Variants in HS6ST3 observed in about 807,000 individuals in gnomAD.
The protein encoded by HS6ST3 is heparan sulfate 6-O-sulfotransferase 3.
HS6ST3 carries 12 observed loss-of-function variants against 36.7 expected under a neutral mutation model. The observed-to-expected ratio is 0.33, with a 90% CI of 0.21 to 0.53. The LOEUF (loss-of-function observed/expected upper bound fraction) is 0.53, where lower values mean the gene tolerates loss of function less well. Ranked by LOEUF, HS6ST3 falls within the 20% of genes least tolerant of loss-of-function variation. The pLI, the probability that HS6ST3 is intolerant of heterozygous loss-of-function variation, is 0.95. For missense variants in HS6ST3, 584 were observed against 640.9 expected, an observed-to-expected ratio of 0.91 and a Z score of 0.96; for synonymous variants, 240 against 257.5, an observed-to-expected ratio of 0.93 and a Z score of 0.65.
intron 1 of HS6ST3, among the ~76,000 whole-genome samples, chr13:96,578,717 G>A (rs554516950): frequency 3.0e-4 from 46 of 152,146 alleles, no homozygotes; most frequent in Non-Finnish European, 4.9e-4. Context: ...ACACCACCAT[G>A]CCTGGCTAAT....
At chr13:96,535,531 C>G (rs1040758536) in intron 1 of HS6ST3, among the ~76,000 whole-genome samples, 1 of 142,082 alleles carries the variant, frequency 7.0e-6, no homozygotes, top group Non-Finnish European at 1.5e-5. Flanking sequence ...GCACTCCAGC[C>G]TGGGCGACAG....
At chr13:96,756,519 G>A (rs186007482) in intron 1 of HS6ST3, among the ~76,000 whole-genome samples, 8 of 152,238 alleles carry the variant, frequency 5.3e-5, no homozygotes, top group African/African-American at 1.7e-4. Context: ...GTTAGAATCA[G>A]CTTGTTAATT....
chr13:96,183,905 A>C (rs1218210087), intron 1 of HS6ST3, among the ~76,000 whole-genome samples: 1 of 152,196 alleles, frequency 6.6e-6, no homozygotes, highest in Non-Finnish European at 1.5e-5. Context: ...TTTTACACTT[A>C]GAAACGGTTA....
At chr13:96,157,981 C>A (rs953833847) in intron 1 of HS6ST3, among the ~76,000 whole-genome samples, 1 of 152,024 alleles carries the variant, frequency 6.6e-6, no homozygotes, top group African/African-American at 2.4e-5. Flanking sequence ...ACAAAGGTAC[C>A]GTGGGTGCCG....
intron 1 of HS6ST3, among the ~76,000 whole-genome samples, chr13:96,335,854 C>T (rs2055098287): frequency 6.6e-6 from 1 of 152,142 alleles, no homozygotes; most frequent in Non-Finnish European, 1.5e-5. Flanking sequence ...TTGTGAGTGT[C>T]AGGGGTAGAA....
chr13:96,662,210 T>G (rs2139019902), intron 1 of HS6ST3, among the ~76,000 whole-genome samples: 1 of 152,324 alleles, frequency 6.6e-6, no homozygotes, highest in Non-Finnish European at 1.5e-5. Flanking sequence ...TTCCTTTTTC[T>G]TCTTCTGTCT....
At chr13:96,502,072 A>C (rs1305384090) in intron 1 of HS6ST3, among the ~76,000 whole-genome samples, 1 of 152,160 alleles carries the variant, frequency 6.6e-6, no homozygotes, top group Non-Finnish European at 1.5e-5. Context: ...TTCCACCTTT[A>C]AGAAAAGATG....
At chr13:96,240,478 T>G (rs949415204) in intron 1 of HS6ST3, among the ~76,000 whole-genome samples, 2 of 152,352 alleles carry the variant, frequency 1.3e-5, no homozygotes, top group East Asian at 3.9e-4. Context: ...GAACATTCAT[T>G]TGCTAAGTTA....
At chr13:96,584,214 G>A (rs2056352632) in intron 1 of HS6ST3, among the ~76,000 whole-genome samples, 1 of 152,082 alleles carries the variant, frequency 6.6e-6, no homozygotes, top group Admixed American at 6.5e-5. Flanking sequence ...CTCGATCTCA[G>A]CTCACTGCAG....
chr13:96,322,574 A>T (rs2055009761), intron 1 of HS6ST3, among the ~76,000 whole-genome samples: 1 of 152,118 alleles, frequency 6.6e-6, no homozygotes, highest in African/African-American at 2.4e-5. Flanking sequence ...AAAATGAAAA[A>T]TAAAATAAAA....
chr13:96,335,687 T>C (rs1594756632), intron 1 of HS6ST3, among the ~76,000 whole-genome samples: 2 of 152,328 alleles, frequency 1.3e-5, no homozygotes, highest in South Asian at 4.1e-4. Context: ...CCACAGAGTG[T>C]AGTTTTATAA....
At chr13:96,219,679 G>T (rs932321417) in intron 1 of HS6ST3, among the ~76,000 whole-genome samples, 4 of 151,982 alleles carry the variant, frequency 2.6e-5, no homozygotes, top group African/African-American at 9.7e-5. Flanking sequence ...CCACAGGCAG[G>T]ATTCTCTTTC....
intron 1 of HS6ST3, among the ~76,000 whole-genome samples, chr13:96,817,440 T>G (rs764784756): frequency 2.2e-4 from 34 of 152,328 alleles, no homozygotes; most frequent in Admixed American, 2.6e-4. Context: ...GTCTGTAGCT[T>G]GTCTCTGTAA....
intron 1 of HS6ST3, among the ~76,000 whole-genome samples, chr13:96,228,463 A>G (rs2054491774): frequency 6.6e-6 from 1 of 152,218 alleles, no homozygotes; most frequent in African/African-American, 2.4e-5. Context: ...ACAGGGTTTC[A>G]TCATGTTGGC....
chr13:96,269,933 C>G (rs1353588770), intron 1 of HS6ST3, among the ~76,000 whole-genome samples: 2 of 151,918 alleles, frequency 1.3e-5, no homozygotes, highest in African/African-American at 4.8e-5. Flanking sequence ...GCTGATAAAC[C>G]TTGTTGGTCT....
At chr13:96,411,697 CAGGGCA>C (rs2055508268) in intron 1 of HS6ST3, among the ~76,000 whole-genome samples, 1 of 152,082 alleles carries the variant, frequency 6.6e-6, no homozygotes, top group Admixed American at 6.5e-5. Context: ...TGATTAGAGG[CAGGGCA>C]ATTAGTTAGG....
At chr13:96,298,938 T>C (rs957288426) in intron 1 of HS6ST3, among the ~76,000 whole-genome samples, 4 of 152,192 alleles carry the variant, frequency 2.6e-5, no homozygotes, top group Non-Finnish European at 5.9e-5. Flanking sequence ...TTTAAATTTG[T>C]AAGTTCAGTT....
chr13:96,554,111 G>T (rs1252946703), intron 1 of HS6ST3, among the ~76,000 whole-genome samples: 2 of 152,198 alleles, frequency 1.3e-5, no homozygotes, highest in East Asian at 3.9e-4. Context: ...TTAGAATGTG[G>T]TGCCACAGCT....
chr13:96,701,248 A>T (rs1474856555), intron 1 of HS6ST3, among the ~76,000 whole-genome samples: 1 of 152,180 alleles, frequency 6.6e-6, no homozygotes, highest in Admixed American at 6.5e-5. Flanking sequence ...CCCGCCTTTC[A>T]CTTTGTTTTC....
Sources: allele counts gnomAD v4.1 joint callset (sites outside exome capture counted in the v4.1 genomes callset), GRCh38; gene constraint gnomAD v4.1.1; transcripts MANE v1.5; gene names NCBI Gene and HGNC (gene_info 2026-07-23, HGNC 2026-07-21).